Variants in KIAA1958 observed in about 807,000 individuals in gnomAD.
KIAA1958 encodes KIAA1958, also known as uncharacterized protein KIAA1958.
Under a neutral mutation model 47.2 loss-of-function variants are expected in KIAA1958, and 14 were observed. The observed-to-expected ratio is 0.30, with a 90% CI of 0.20 to 0.46. The LOEUF (loss-of-function observed/expected upper bound fraction) is 0.46. Ranked by LOEUF, KIAA1958 falls within the 20% of genes least tolerant of loss-of-function variation. The probability of loss-of-function intolerance (pLI) is 1.00; values close to 1 mark genes in which losing one functional copy is unlikely to be tolerated. For missense variants in KIAA1958, 803 were observed against 909.2 expected (o/e 0.88, Z 1.50); for synonymous variants, 354 against 353.3 (o/e 1.00, Z -0.02).
rs138800162 is a variant in KIAA1958 at position 112,527,625 on chromosome 9, C to T, written c.-25+40507C>T. On this transcript the variant is annotated intron_variant, in intron 1 of 3. Coordinates refer to ENST00000337530, the MANE Select transcript of KIAA1958 (RefSeq NM_133465.4). Reference sequence around the variant, plus strand: ...GGGGGAATTGTTTGAAGGGGTCAAGCGGTAAAATGGAAAAATGAGTTAAGA... The same window carrying T: ...GGGGGAATTGTTTGAAGGGGTCAAGTGGTAAAATGGAAAAATGAGTTAAGA... Among the ~76,000 whole-genome samples, 1,436 of 151,992 alleles carry T rather than the reference C, an allele frequency of 9.4e-3. 6 individuals are homozygous for T. The highest frequency in any genetic ancestry group is 0.016 in the Non-Finnish European group (1,096 of 67,968).
chr9:112,660,075 C>A lies in KIAA1958; in HGVS notation c.*6C>A, dbSNP rs531655116. 1.9e-6 allele frequency: 3 copies of A among 1,610,212 alleles called. No homozygotes were observed. Among genetic ancestry groups the A allele is most frequent in the African/African-American group, 2.7e-5 (2 of 74,994 alleles). On this transcript the variant is annotated 3_prime_UTR_variant, in exon 4 of 4. Coordinates refer to ENST00000337530, the MANE Select transcript of KIAA1958 (RefSeq NM_133465.4). Reference sequence around the variant, plus strand: ...CCCACAGCTGCTGCCAGTGAGCCCCCACTGGGGCCCGGCCACTGCCCTGTC... The same window carrying A: ...CCCACAGCTGCTGCCAGTGAGCCCCAACTGGGGCCCGGCCACTGCCCTGTC...
At chr9:112,589,878 G>A (rs1473630134) in intron 2 of KIAA1958, among the ~76,000 whole-genome samples, 1 of 152,196 alleles carries the variant, frequency 6.6e-6, no homozygotes, top group African/African-American at 2.4e-5. Flanking sequence ...AAAGGGGCTG[G>A]GGTAGGATAG....
At chr9:112,543,127 C>G (rs1029837809) in intron 1 of KIAA1958, among the ~76,000 whole-genome samples, 9 of 152,188 alleles carry the variant, frequency 5.9e-5, no homozygotes, top group Non-Finnish European at 1.2e-4. Flanking sequence ...CTGGATCTAT[C>G]TTGAGCAGAT....
intron 1 of KIAA1958, among the ~76,000 whole-genome samples, chr9:112,504,807 T>C (rs1456572237): frequency 1.3e-5 from 2 of 152,232 alleles, no homozygotes; most frequent in East Asian, 1.9e-4. Context: ...TGTATATATG[T>C]GTAGATGTAT....
intron 2 of KIAA1958, among the ~76,000 whole-genome samples, chr9:112,602,205 G>T (rs1055666428): frequency 8.5e-5 from 13 of 152,152 alleles, no homozygotes; most frequent in African/African-American, 3.1e-4. Context: ...CACTTTTAAA[G>T]TAAATATAGC....
At chr9:112,572,270 A>C (rs1835552904) in intron 1 of KIAA1958, among the ~76,000 whole-genome samples, 1 of 152,150 alleles carries the variant, frequency 6.6e-6, no homozygotes, top group Non-Finnish European at 1.5e-5. Context: ...GACTTGAGAG[A>C]GTCTTATACG....
intron 1 of KIAA1958, among the ~76,000 whole-genome samples, chr9:112,503,602 G>GCTCT (rs1186871562): frequency 1.5e-5 from 2 of 137,128 alleles, no homozygotes; most frequent in East Asian, 4.2e-4. Flanking sequence ...GGGCAACAGA[G>GCTCT]CGAGACCCTG....
intron 1 of KIAA1958, among the ~76,000 whole-genome samples, chr9:112,543,682 C>T (rs992566834): frequency 7.3e-5 from 11 of 151,554 alleles, no homozygotes; most frequent in Non-Finnish European, 1.2e-4. Context: ...AAGTGATTCT[C>T]CTGCCTCAGC....
intron 2 of KIAA1958, among the ~76,000 whole-genome samples, chr9:112,598,774 A>C (rs532470455): frequency 6.6e-6 from 1 of 152,300 alleles, no homozygotes; most frequent in African/African-American, 2.4e-5. Flanking sequence ...TGGTAATTAA[A>C]GAGTACTATT....
Position 112,567,643 on chromosome 9 carries a change from A to G in KIAA1958, c.-24-6414A>G, listed in dbSNP as rs28660019. ...ATCCCTAAAGTCTAAAATCCTGAAAATCAATCCTGAAAGATCAAAATCCCG... is the reference window on the plus strand; with the variant it reads ...ATCCCTAAAGTCTAAAATCCTGAAAGTCAATCCTGAAAGATCAAAATCCCG... On this transcript the variant is annotated intron_variant, in intron 1 of 3. Coordinates refer to ENST00000337530, the MANE Select transcript of KIAA1958 (RefSeq NM_133465.4). Among the ~76,000 whole-genome samples the G allele has an allele frequency of 7.7e-3, 1,180 of 152,272 alleles. 13 individuals are homozygous for G. Among genetic ancestry groups the G allele is most frequent in the African/African-American group, 0.022 (910 of 41,546 alleles).
intron 1 of KIAA1958, among the ~76,000 whole-genome samples, chr9:112,504,386 G>A (rs1284974349): frequency 6.6e-6 from 1 of 152,022 alleles, no homozygotes; most frequent in African/African-American, 2.4e-5. Context: ...ACGGGATTTC[G>A]CCATGTTGGC....
chr9:112,645,348 T>G (rs1818492441), intron 2 of KIAA1958, among the ~76,000 whole-genome samples: 1 of 152,254 alleles, frequency 6.6e-6, no homozygotes, highest in Non-Finnish European at 1.5e-5. Flanking sequence ...CAGTCTTTGA[T>G]TTTCAGCATT....
chr9:112,500,395 G>A (rs1355435313), intron 1 of KIAA1958, among the ~76,000 whole-genome samples: 1 of 151,720 alleles, frequency 6.6e-6, no homozygotes, highest in Non-Finnish European at 1.5e-5. Flanking sequence ...CACCACGCCT[G>A]GCTTTACAAA....
chr9:112,509,459 C>T, intron 1 of KIAA1958, among the ~76,000 whole-genome samples: 1 of 150,844 alleles, frequency 6.6e-6, no homozygotes, highest in East Asian at 2.0e-4. Flanking sequence ...CCTCGGCCTC[C>T]CGCCAGGCCC....
At chr9:112,607,060 G>A (rs538275975) in intron 2 of KIAA1958, among the ~76,000 whole-genome samples, 25 of 152,232 alleles carry the variant, frequency 1.6e-4, no homozygotes, top group African/African-American at 5.1e-4. Flanking sequence ...TGAATATGGC[G>A]TCAAGAGACA....
In KIAA1958 at chr9:112,659,508, C is replaced by A. The variant is rs16917185; in HGVS notation, c.1590C>A (p.Ile530=). 0.043 allele frequency: 69,646 copies of A among 1,613,152 alleles called. 3,199 individuals carry two copies. The highest frequency in any genetic ancestry group is 0.18 in the African/African-American group (13,396 of 74,914). The change falls in exon 4 of 4, where the codon ATC becomes ATA. Residue 530 remains isoleucine (I), a synonymous_variant. Coordinates refer to ENST00000337530, the MANE Select transcript of KIAA1958 (RefSeq NM_133465.4). ...AGMSGARSRN[I]VYFSLSDEEE... ...TGTCGGGCGCGCGTTCTCGCAACAT[C>A]GTCTACTTCTCCCTTTCTGACGAGG...
chr9:112,648,924 A>G (rs912472204), intron 3 of KIAA1958, among the ~76,000 whole-genome samples: 3 of 152,368 alleles, frequency 2.0e-5, no homozygotes, highest in African/African-American at 4.8e-5. Context: ...TAACTAGATT[A>G]TATAACTAGA....
intron 2 of KIAA1958, among the ~76,000 whole-genome samples, chr9:112,611,763 T>A (rs999975443): frequency 3.9e-5 from 6 of 152,078 alleles, no homozygotes; most frequent in Non-Finnish European, 8.8e-5. Context: ...ACAAAAGTTT[T>A]AAAATATACT....
At chr9:112,549,809 G>A (rs1713450204) in intron 1 of KIAA1958, among the ~76,000 whole-genome samples, 1 of 152,180 alleles carries the variant, frequency 6.6e-6, no homozygotes, top group Non-Finnish European at 1.5e-5. Flanking sequence ...GGAGGTGGGT[G>A]TATGCTACTG....
Sources: gnomAD v4.1 joint callset for allele counts (sites outside exome capture counted in the v4.1 genomes callset) on GRCh38, gnomAD v4.1.1 for gene constraint, MANE v1.5 for transcripts, NCBI Gene and HGNC (gene_info 2026-07-23, HGNC 2026-07-21) for gene names.